TNRC18: variants seen among roughly 807,000 people sequenced by gnomAD.
The protein encoded by TNRC18 is trinucleotide repeat containing 18.
In TNRC18, 69 loss-of-function variants were observed where a neutral mutation model predicts 226.7. The observed-to-expected ratio is 0.30, with a 90% CI of 0.25 to 0.37. The LOEUF is 0.37. Ranked by LOEUF, TNRC18 falls within the 10% of genes least tolerant of loss-of-function variation. The probability of loss-of-function intolerance (pLI) is 1.00; values close to 1 mark genes in which losing one functional copy is unlikely to be tolerated. For missense variants in TNRC18, 4,754 were observed against 4,256.6 expected, an observed-to-expected ratio of 1.12 and a Z score of -3.25; for synonymous variants, 2,449 against 1,927.6, an observed-to-expected ratio of 1.27 and a Z score of -7.09.
rs546379547 is a variant in TNRC18 at position 5,402,116 on chromosome 7, A to T, written c.188-7521T>A. Among the ~76,000 whole-genome samples, 225 of 146,828 alleles carry T rather than the reference A, an allele frequency of 1.5e-3. 1 individual carries two copies. Among genetic ancestry groups the T allele is most frequent in the Middle Eastern group, 3.6e-3 (1 of 274 alleles). On this transcript the variant is annotated intron_variant, in intron 2 of 29. Coordinates refer to ENST00000430969, the MANE Select transcript of TNRC18 (RefSeq NM_001080495.3). Reference sequence around the variant, plus strand: ...ACGGCATGAACCCGGGAGGCGGAGCATGCCGTGAGCTGAGATCATGCCACT... The same window carrying T: ...ACGGCATGAACCCGGGAGGCGGAGCTTGCCGTGAGCTGAGATCATGCCACT...
Position 5,313,709 on chromosome 7 carries a change from C to G in TNRC18, c.7182G>C (p.Pro2394=), listed in dbSNP as rs777016762. The G allele has an allele frequency of 1.3e-6, 2 of 1,590,006 alleles. No individual in the cohort carries two copies. The highest frequency in any genetic ancestry group is 2.7e-5 in the African/African-American group (2 of 74,228). Residue 2394 remains proline (P), a synonymous_variant, in exon 27 of 30, where the codon CCG becomes CCC. Transcript: ENST00000430969. ...AGGCGGGTGGTGCGGGACTGGGCTG[C>G]GGCGGTGCCGGGCGCGCCTTGGGGG... The part of the protein sequence containing the change: ...AKAPKARPAP[P]QPSPAPPAFT...
intron 3 of TNRC18, among the ~76,000 whole-genome samples, chr7:5,391,999 A>T (rs2128199557): frequency 6.6e-6 from 1 of 151,890 alleles, no homozygotes; most frequent in Admixed American, 6.6e-5. Context: ...TCTCTCAGGG[A>T]CTCAGGTACC....
intron 2 of TNRC18, among the ~76,000 whole-genome samples, chr7:5,401,696 C>G (rs1242874496): frequency 6.6e-6 from 1 of 152,202 alleles, no homozygotes; most frequent in Non-Finnish European, 1.5e-5. Flanking sequence ...AGACGTGGGC[C>G]ACATTTGGCT....
chr7:5,378,352 A>T (rs1779155973), intron 5 of TNRC18, among the ~76,000 whole-genome samples: 1 of 152,216 alleles, frequency 6.6e-6, no homozygotes, highest in Non-Finnish European at 1.5e-5. Flanking sequence ...AAAACTTGTC[A>T]CATAACAATG....
At chr7:5,319,552 A>C (rs946141860) in intron 24 of TNRC18, among the ~76,000 whole-genome samples, 3 of 152,100 alleles carry the variant, frequency 2.0e-5, no homozygotes, top group Non-Finnish European at 4.4e-5. Context: ...TCTGTCACCC[A>C]GGCTAGAGTG....
At position 5,310,945 on chromosome 7, in the gene TNRC18, TG is replaced by T. The variant is rs1213683370; in HGVS notation, c.8388+1557del. Among the ~76,000 whole-genome samples, 5 of 151,442 alleles carry T rather than the reference TG, an allele frequency of 3.3e-5. No individual in the cohort carries two copies. In the East Asian group the frequency reaches 9.7e-4, roughly 29 times the overall value. On this transcript the variant is annotated intron_variant, in intron 27 of 29. Transcript: ENST00000430969. ...GTGTGCACGTGTTCGTGTGTGCACG[TG>T]TTTGTGTGTGTGCACGTGTACTCGT...
Position 5,315,161 on chromosome 7 carries a change from G to T in TNRC18, c.6863-13C>A, listed in dbSNP as rs1299077572. The T allele has an allele frequency of 6.2e-7, 1 of 1,609,108 alleles. No homozygotes were observed. The highest frequency in any genetic ancestry group is 8.5e-7 in the Non-Finnish European group (1 of 1,178,276). On this transcript the variant is annotated splice_polypyrimidine_tract_variant and intron_variant, in intron 25 of 29. Transcript: ENST00000430969. ...GACGGCTCAGCACCTGTGGGGCAGA[G>T]GACAGAGTGGCTCATCAGGCCTGGG...
At chr7:5,406,332 G>A (rs1277311565) in intron 2 of TNRC18, among the ~76,000 whole-genome samples, 6 of 151,960 alleles carry the variant, frequency 3.9e-5, no homozygotes, top group Non-Finnish European at 5.9e-5. Context: ...TTGTGGTGGC[G>A]GCACCTGTAA....
chr7:5,376,374 G>A (rs1173755868), intron 8 of TNRC18, 150 bp from the exon 9 acceptor site: 53 of 734,220 alleles, frequency 7.2e-5, no homozygotes, highest in Non-Finnish European at 8.5e-6. Context: ...CCAGGGGCCA[G>A]GAAGTTTGTC....
intron 24 of TNRC18, among the ~76,000 whole-genome samples, chr7:5,319,839 A>T (rs1788175547): frequency 6.6e-6 from 1 of 152,124 alleles, no homozygotes; most frequent in Admixed American, 6.6e-5. Flanking sequence ...CAACATGTCC[A>T]CTTTGCAGGG....
chr7:5,367,666 G>A (rs1021814634), intron 11 of TNRC18, among the ~76,000 whole-genome samples: 6 of 151,596 alleles, frequency 4.0e-5, no homozygotes, highest in African/African-American at 1.5e-4. Context: ...GACCTCAGAT[G>A]ATCTGCCCGC....
In TNRC18 at chr7:5,388,444, C is replaced by T; in HGVS notation, c.1380G>A (p.Val460=). The change falls in exon 5 of 30, where the codon GTG becomes GTA. Residue 460 remains valine, a synonymous_variant. Coordinates refer to ENST00000430969, the MANE Select transcript of TNRC18 (RefSeq NM_001080495.3). Reference sequence around the variant, plus strand: ...CGGGCTTGAGCAGCTCCTTGGCAGGCACGTAGGCGCGGGGGTCCGGGGAGG... The same window carrying T: ...CGGGCTTGAGCAGCTCCTTGGCAGGTACGTAGGCGCGGGGGTCCGGGGAGG... The part of the protein sequence containing the change: ...TRASPDPRAY[V]PAKELLKPEA... 6.8e-7 allele frequency: 1 copy of T among 1,460,436 alleles called. No homozygotes were observed. The highest frequency in any genetic ancestry group is 8.9e-7 in the Non-Finnish European group (1 of 1,118,558). The allele number at this position is 1,460,436 out of a possible 1,614,324, so 90.5% of individuals were successfully genotyped here.
chr7:5,327,797 T>C (rs879483532), intron 19 of TNRC18, among the ~76,000 whole-genome samples: 19 of 152,124 alleles, frequency 1.2e-4, no homozygotes, highest in Non-Finnish European at 2.1e-4. Context: ...ATAGAAGTTC[T>C]GTATGCAAAA....
chr7:5,328,372 A>AT (rs887658598), intron 19 of TNRC18, among the ~76,000 whole-genome samples: 4 of 151,448 alleles, frequency 2.6e-5, no homozygotes, highest in Admixed American at 6.6e-5. Context: ...CACGAAAATA[A>AT]TTTTTTTTTA....
chr7:5,414,048 G>C (rs1009988101), intron 2 of TNRC18, among the ~76,000 whole-genome samples: 1 of 151,934 alleles, frequency 6.6e-6, no homozygotes, highest in Non-Finnish European at 1.5e-5. Flanking sequence ...CCAGGTTCAA[G>C]TGATTCTCCT....
At chr7:5,421,890 A>G (rs1051681014) in intron 1 of TNRC18, among the ~76,000 whole-genome samples, 1 of 152,146 alleles carries the variant, frequency 6.6e-6, no homozygotes, top group Non-Finnish European at 1.5e-5. Context: ...GCCTTGCCAC[A>G]AACGGTCCGA....
intron 2 of TNRC18, among the ~76,000 whole-genome samples, chr7:5,407,988 A>G (rs1584102998): frequency 6.6e-6 from 1 of 152,320 alleles, no homozygotes; most frequent in Non-Finnish European, 1.5e-5. Context: ...ACAGTATTTG[A>G]TCTTTACAAA....
intron 16 of TNRC18, among the ~76,000 whole-genome samples, chr7:5,354,489 G>C (rs1792140263): frequency 6.6e-6 from 1 of 151,876 alleles, no homozygotes; most frequent in Admixed American, 6.6e-5. Flanking sequence ...AGCAGAGATT[G>C]AGAGAGCAAA....
intron 2 of TNRC18, among the ~76,000 whole-genome samples, chr7:5,409,474 G>C (rs1040999403): frequency 1.4e-5 from 2 of 147,592 alleles, no homozygotes; most frequent in Non-Finnish European, 3.0e-5. Context: ...CCTGTAGTCC[G>C]AGAAGGCTGA....
Sources: gnomAD v4.1 joint callset for allele counts (sites outside exome capture counted in the v4.1 genomes callset) on GRCh38, gnomAD v4.1.1 for gene constraint, MANE v1.5 for transcripts, NCBI Gene and HGNC (gene_info 2026-07-23, HGNC 2026-07-21) for gene names.